CHD9: variants seen among roughly 807,000 people sequenced by gnomAD.
CHD9 encodes chromodomain helicase DNA binding protein 9, also known as ATP-dependent chromatin remodeler CHD9.
A neutral mutation model predicts 316.1 loss-of-function variants in CHD9; 77 were observed. The observed-to-expected ratio is 0.24, with a 90% confidence interval of 0.20 to 0.29. The LOEUF (loss-of-function observed/expected upper bound fraction) is 0.29. Among genes scored for constraint, CHD9 ranks in the 10% least tolerant of loss-of-function variants. The pLI is 1.00. For synonymous variants in CHD9, 1,129 were observed against 1,158.3 expected, an observed-to-expected ratio of 0.97 and a Z score of 0.51; for missense variants, 2,763 against 3,438.1, an observed-to-expected ratio of 0.80 and a Z score of 4.91.
intron 1 of CHD9, among the ~76,000 whole-genome samples, chr16:53,104,427 C>G (rs576920296): frequency 6.6e-6 from 1 of 152,336 alleles, no homozygotes; most frequent in South Asian, 2.1e-4. Flanking sequence ...AAGCACCCAA[C>G]TCAACTCATC....
chr16:53,184,985 C>T (rs1362175543), intron 2 of CHD9, among the ~76,000 whole-genome samples: 2 of 152,190 alleles, frequency 1.3e-5, no homozygotes, highest in South Asian at 2.1e-4. Flanking sequence ...CCCAGCTCTC[C>T]GAAACTGTGA....
intron 2 of CHD9, among the ~76,000 whole-genome samples, chr16:53,184,722 T>C (rs2043835521): frequency 6.6e-6 from 1 of 152,144 alleles, no homozygotes; most frequent in Non-Finnish European, 1.5e-5. Flanking sequence ...CCACCCAAAA[T>C]CTCATCTTGA....
intron 30 of CHD9, chr16:53,298,751 A>G (rs1200687821): frequency 6.5e-6 from 1 of 153,606 alleles, no homozygotes; most frequent in Non-Finnish European, 1.5e-5. Context: ...GTCCAGGAAC[A>G]TGCGGGATTC....
intron 1 of CHD9, chr16:53,130,981 G>C (rs548799208): frequency 1.3e-5 from 2 of 152,416 alleles, no homozygotes; most frequent in East Asian, 4.0e-4. Context: ...TGGCGGCGCG[G>C]GGGAGGCGGT....
rs1421550034 is a variant in CHD9, at chr16:53,307,817, C to A, written c.6917C>A (p.Ala2306Glu). 1 of 1,613,666 alleles carries A rather than the reference C, an allele frequency of 6.2e-7. No homozygotes were observed. The highest frequency in any genetic ancestry group is 8.5e-7 in the Non-Finnish European group (1 of 1,179,794). The stretch of plus-strand genomic sequence containing the variant: ...ACAAAACTGCTGGACAGCCCTGGAG[C>A]AGCTACAGAATACAGCGATCCCAGT... ...YTTKLLDSPG[A>E]ATEYSDPSVP... The change falls in exon 33 of 39, where the codon GCA becomes GAA. Residue 2306 changes from alanine to glutamate, a missense_variant. Transcript: ENST00000447540.
intron 1 of CHD9, among the ~76,000 whole-genome samples, chr16:53,056,646 C>T (rs895693714): frequency 2.6e-5 from 4 of 152,218 alleles, no homozygotes; most frequent in South Asian, 2.1e-4. Flanking sequence ...GGGGCAGGCG[C>T]GTGGTGTGTC....
chr16:53,155,990 A>C lies in CHD9; in HGVS notation c.-100A>C. On this transcript the variant is annotated 5_prime_UTR_variant, in exon 2 of 39. Transcript: ENST00000447540. Reference sequence around the variant, plus strand: ...AATGAATATTGACCTGTTTTGGATTAGTTGATGACCTTCGGAAATGATCCA... The same window carrying C: ...AATGAATATTGACCTGTTTTGGATTCGTTGATGACCTTCGGAAATGATCCA... 9.2e-7 allele frequency: 1 copy of C among 1,082,286 alleles called. No individual in the cohort carries two copies. Among genetic ancestry groups the C allele is most frequent in the East Asian group, 2.5e-5 (1 of 39,562 alleles). The allele number at this position is 1,082,286 out of a possible 1,614,324, so 67.0% of individuals were successfully genotyped here. A position where few individuals can be genotyped will look rare whatever the true frequency, so the allele number is the denominator to read the frequency against.
At position 53,326,393 on chromosome 16, in the gene CHD9, TTC is replaced by T. The variant is rs1246129373; in HGVS notation, c.*1499_*1500del. On this transcript the variant is annotated 3_prime_UTR_variant, in exon 39 of 39. Transcript: ENST00000447540. ...AGTTCTCTCCTACAGAAAAAATACT[TTC>T]AGTATGTTTTGATAAAACTGTTGCT... is the stretch of plus-strand genomic sequence containing the variant. 3 of 152,486 alleles carry T rather than the reference TTC, an allele frequency of 2.0e-5. No homozygotes were observed. Among genetic ancestry groups the T allele is most frequent in the Admixed American group, 6.6e-5 (1 of 15,256 alleles). The allele number at this position is 152,486 out of a possible 1,614,324, so 9.4% of individuals were successfully genotyped here.
chr16:53,120,421 TTGATC>T, intron 1 of CHD9, among the ~76,000 whole-genome samples: 1 of 151,098 alleles, frequency 6.6e-6, no homozygotes, highest in Admixed American at 6.6e-5. Context: ...TGAGACCAGC[TTGATC>T]AACATGGAGA....
At chr16:53,221,139 T>C (rs142747770) in intron 3 of CHD9, among the ~76,000 whole-genome samples, 2 of 152,338 alleles carry the variant, frequency 1.3e-5, no homozygotes, top group African/African-American at 4.8e-5. Flanking sequence ...TAGAAGTTGT[T>C]AGCATTAGTT....
At chr16:53,090,246 A>C (rs998023480) in intron 1 of CHD9, among the ~76,000 whole-genome samples, 2 of 152,186 alleles carry the variant, frequency 1.3e-5, no homozygotes, top group Non-Finnish European at 2.9e-5. Flanking sequence ...TAAAGCTAGC[A>C]TGGAGGTTGC....
At chr16:53,311,272 T>G (rs2056456420) in intron 34 of CHD9, 1 of 152,202 alleles carries the variant, frequency 6.6e-6, no homozygotes, top group South Asian at 2.1e-4. Context: ...TCTAAGCATT[T>G]TATCTTATCC....
chr16:53,281,421 C>A (rs1486957824), intron 24 of CHD9, among the ~76,000 whole-genome samples: 1 of 152,132 alleles, frequency 6.6e-6, no homozygotes, highest in African/African-American at 2.4e-5. Context: ...TCTCCTCTGC[C>A]AAATCCCTAG....
At chr16:53,232,170 G>GTT (rs1268795223) in intron 10 of CHD9, among the ~76,000 whole-genome samples, 1 of 152,096 alleles carries the variant, frequency 6.6e-6, no homozygotes, top group Non-Finnish European at 1.5e-5. Context: ...AAGCATATCA[G>GTT]TTTACCCCCA....
chr16:53,297,914 A>G (rs939940747), intron 30 of CHD9, among the ~76,000 whole-genome samples: 2 of 152,238 alleles, frequency 1.3e-5, no homozygotes, highest in African/African-American at 4.8e-5. Flanking sequence ...AGTAGATTTC[A>G]GTCTGTTTTC....
chr16:53,304,694 T>TTTCC (rs1555545229), intron 31 of CHD9, 69 bp downstream of exon 31: 34 of 165,254 alleles, frequency 2.1e-4, no homozygotes, highest in African/African-American at 1.5e-3. Context: ...TTTTCTTTTC[T>TTTCC]TTTTTTTTTT....
intron 1 of CHD9, among the ~76,000 whole-genome samples, chr16:53,151,905 A>G (rs1320134291): frequency 6.6e-6 from 1 of 151,950 alleles, no homozygotes; most frequent in Non-Finnish European, 1.5e-5. Flanking sequence ...TCTAAGGGAC[A>G]ATTTCTGTCA....
rs1476066419 is a variant in CHD9, at chr16:53,311,964, AAAAT to A, written c.7223-2409_7223-2406del. The A allele has an allele frequency of 3.3e-5, 5 of 152,242 alleles. No individual in the cohort carries two copies. The South Asian group carries it at 8.3e-4, about 25-fold the overall frequency. The allele number at this position is 152,242 out of a possible 1,614,324, so 9.4% of individuals were successfully genotyped here. On this transcript the variant is annotated intron_variant, in intron 34 of 38. Coordinates refer to ENST00000447540, the MANE Select transcript of CHD9 (RefSeq NM_001308319.2). ...TTTTAAAATAGTGTTAATTACATCT[AAAAT>A]AAAGACAACACAGACTTCAAAGTTA...
intron 19 of CHD9, among the ~76,000 whole-genome samples, chr16:53,258,108 TTAATGA>T (rs1230718708): frequency 6.6e-6 from 1 of 152,152 alleles, no homozygotes; most frequent in African/African-American, 2.4e-5. Context: ...ATTTAACATG[TTAATGA>T]TAATGATCAT....
Sources: allele counts gnomAD v4.1 joint callset (sites outside exome capture counted in the v4.1 genomes callset), GRCh38; gene constraint gnomAD v4.1.1; transcripts MANE v1.5; gene names NCBI Gene and HGNC (gene_info 2026-07-23, HGNC 2026-07-21).